Variants in TLK2 observed in about 807,000 individuals in gnomAD.
TLK2 encodes tousled like kinase 2, also known as serine/threonine-protein kinase tousled-like 2.
In TLK2, 6 loss-of-function variants were observed where a neutral mutation model predicts 117.3. The ratio of observed to expected loss-of-function variants is 0.05; its 90% confidence interval spans 0.03 to 0.10. The LOEUF is 0.10. TLK2 is among the 10% of genes least tolerant of loss of function. TLK2 has a pLI of 1.00. For synonymous variants in TLK2, 257 were observed against 316.7 expected (o/e 0.81, Z 2.00); for missense variants, 299 against 901.2 (o/e 0.33, Z 8.56).
intron 2 of TLK2, among the ~76,000 whole-genome samples, chr17:62,520,268 G>T (rs2075943047): frequency 6.6e-6 from 1 of 152,130 alleles, no homozygotes; most frequent in Non-Finnish European, 1.5e-5. Flanking sequence ...CACAAGTAGG[G>T]ATTGAGCAGA....
chr17:62,587,463 A>G (rs1428254661), intron 16 of TLK2, among the ~76,000 whole-genome samples: 1 of 152,142 alleles, frequency 6.6e-6, no homozygotes, highest in Non-Finnish European at 1.5e-5. Context: ...TGGAAGGGGA[A>G]AAACAGTGGT....
intron 7 of TLK2, among the ~76,000 whole-genome samples, chr17:62,551,369 T>G (rs1326787202): frequency 6.6e-6 from 1 of 152,220 alleles, no homozygotes; most frequent in Non-Finnish European, 1.5e-5. Flanking sequence ...CTTATGTCTG[T>G]GATGGGTCAT....
chr17:62,558,486 A>G (rs1372569948), intron 9 of TLK2, among the ~76,000 whole-genome samples: 1 of 152,054 alleles, frequency 6.6e-6, no homozygotes, highest in African/African-American at 2.4e-5. Context: ...TTAAACATGA[A>G]CTCCTCGAAG....
intron 11 of TLK2, among the ~76,000 whole-genome samples, chr17:62,570,645 G>A (rs900432785): frequency 6.6e-6 from 1 of 152,114 alleles, no homozygotes; most frequent in East Asian, 1.9e-4. Context: ...CTTAAAATAC[G>A]TAACATTGAT....
intron 2 of TLK2, among the ~76,000 whole-genome samples, chr17:62,509,315 T>C (rs1419725955): frequency 3.9e-5 from 6 of 152,162 alleles, no homozygotes; most frequent in South Asian, 2.1e-4. Context: ...TCTGGAACCC[T>C]TGGGGTCAAG....
At chr17:62,508,932 C>T (rs2074934595) in intron 2 of TLK2, among the ~76,000 whole-genome samples, 2 of 152,150 alleles carry the variant, frequency 1.3e-5, no homozygotes, top group South Asian at 4.1e-4. Context: ...TGCACCACTG[C>T]ACTCCTGCCT....
chr17:62,565,279 A>T, intron 11 of TLK2, 142 bp downstream of exon 11: 4 of 1,032,874 alleles, frequency 3.9e-6, no homozygotes, highest in East Asian at 2.8e-5. Context: ...GTGGAAAGAA[A>T]TGTATCGAAT....
intron 16 of TLK2, among the ~76,000 whole-genome samples, chr17:62,591,849 T>C (rs77801000): frequency 0.034 from 5,106 of 152,310 alleles, 137 homozygotes; most frequent in Non-Finnish European, 0.046. Flanking sequence ...CTACGGAAAG[T>C]GTGTCTTTTC....
At chr17:62,546,494 C>A (rs368456618) in intron 7 of TLK2, among the ~76,000 whole-genome samples, 2 of 147,016 alleles carry the variant, frequency 1.4e-5, no homozygotes, top group Admixed American at 6.8e-5. Context: ...TGTTTCTTTT[C>A]TTTTGTGCTC....
In TLK2 at chr17:62,612,394, G is replaced by A. The variant is rs35880366; in HGVS notation, c.2082G>A (p.Ala694=). ...PKPVVTPEAK[A]FIRRCLAYRK... ...CTTCAAGAAACTCTCCTTTGCAGGC[G>A]TTTATTCGACGATGCTTGGCCTACC... Residue 694 remains alanine (A), a splice_region_variant and synonymous_variant, in exon 22 of 22, where the codon GCG becomes GCA. Coordinates refer to ENST00000346027, the MANE Select transcript of TLK2 (RefSeq NM_006852.6). 502 of 1,613,214 alleles carry A rather than the reference G, an allele frequency of 3.1e-4. 3 individuals are homozygous for A. In the African/African-American group the frequency reaches 4.8e-3, roughly 15 times the overall value.
Position 62,536,341 on chromosome 17 carries a change from A to G in TLK2, c.531+4A>G, listed in dbSNP as rs2077110429. The G allele has an allele frequency of 1.2e-6, 2 of 1,610,834 alleles. No individual in the cohort carries two copies. The highest frequency in any genetic ancestry group is 1.7e-6 in the Non-Finnish European group (2 of 1,178,320). On this transcript the variant is annotated splice_donor_region_variant and intron_variant, in intron 7 of 21. Transcript: ENST00000346027. ...CCTCTGCTTCACTTTTGTTTCAGTG[A>G]GTACAAAGCCTAAGTTAATTCATAT... is the stretch of plus-strand genomic sequence containing the variant.
chr17:62,528,939 C>G, intron 6 of TLK2, among the ~76,000 whole-genome samples: 1 of 152,154 alleles, frequency 6.6e-6, no homozygotes, highest in East Asian at 1.9e-4. Context: ...CTCCCACTAC[C>G]CTAGAAGTGA....
chr17:62,565,651 C>CAAAAAAAA (rs5821367), intron 11 of TLK2, among the ~76,000 whole-genome samples: 3 of 101,138 alleles, frequency 3.0e-5, no homozygotes, highest in Admixed American at 2.4e-4. Flanking sequence ...GACTCCATCT[C>CAAAAAAAA]AAAAAAAAAA....
At chr17:62,523,055 T>C (rs2076147190) in intron 4 of TLK2, 79 bp from the exon 5 acceptor site, 1 of 1,372,408 alleles carries the variant, frequency 7.3e-7, no homozygotes, top group Non-Finnish European at 9.8e-7. Flanking sequence ...ATGTAGTTAC[T>C]GAATGTATAG....
chr17:62,547,888 G>A (rs1230439085), intron 7 of TLK2, among the ~76,000 whole-genome samples: 2 of 152,174 alleles, frequency 1.3e-5, no homozygotes, highest in Non-Finnish European at 2.9e-5. Flanking sequence ...AACCAATGGA[G>A]GGGTGTATTT....
upstream of TLK2, among the ~76,000 whole-genome samples, chr17:62,476,885 C>T (rs1363077714): frequency 6.6e-6 from 1 of 150,930 alleles, no homozygotes; most frequent in Non-Finnish European, 1.5e-5. Context: ...AATTCGAGAC[C>T]AACGTGGCCA....
intron 11 of TLK2, among the ~76,000 whole-genome samples, chr17:62,571,630 A>T (rs1381190902): frequency 2.0e-5 from 3 of 152,234 alleles, no homozygotes; most frequent in African/African-American, 7.2e-5. Context: ...CTTGAAGCCA[A>T]GGGCATAGTA....
At chr17:62,541,486 A>G (rs1463779184) in intron 7 of TLK2, among the ~76,000 whole-genome samples, 5 of 152,274 alleles carry the variant, frequency 3.3e-5, no homozygotes, top group African/African-American at 9.6e-5. Flanking sequence ...GTAGCTGTAT[A>G]TACACCAATG....
In TLK2 at chr17:62,479,034, CG is replaced by C; in HGVS notation, c.-259del. ...CGGTCCCGCGCCCCCCGCGGCCGCC[CG>C]GGCCCGGGCCCGCGTCGGGCGCCTG... On this transcript the variant is annotated 5_prime_UTR_variant, in exon 1 of 22. Transcript: ENST00000346027. The C allele has an allele frequency of 6.6e-6, 1 of 150,522 alleles. No homozygotes were observed. The highest frequency in any genetic ancestry group is 6.6e-5 in the Admixed American group (1 of 15,126). The allele number at this position is 150,522 out of a possible 1,614,324, so 9.3% of individuals were successfully genotyped here. A position where few individuals can be genotyped will look rare whatever the true frequency, so the allele number is the denominator to read the frequency against.
Sources: gnomAD v4.1 joint callset for allele counts (sites outside exome capture counted in the v4.1 genomes callset) on GRCh38, gnomAD v4.1.1 for gene constraint, MANE v1.5 for transcripts, NCBI Gene and HGNC (gene_info 2026-07-23, HGNC 2026-07-21) for gene names.